HAUS6: variants seen among roughly 807,000 people sequenced by gnomAD.
HAUS6 encodes the protein HAUS augmin like complex subunit 6.
A neutral mutation model predicts 106.8 loss-of-function variants in HAUS6; 80 were observed. The observed-to-expected ratio is 0.75, with a 90% CI of 0.63 to 0.90. HAUS6 has a LOEUF of 0.90. Ranked by LOEUF, HAUS6 falls within the 40% of genes least tolerant of loss-of-function variation. The pLI is 0.00. For missense variants in HAUS6, 1,155 were observed against 1,118.1 expected (o/e 1.03, Z -0.47); for synonymous variants, 356 against 379.1 (o/e 0.94, Z 0.71).
At chr9:19,080,160 G>C in intron 9 of HAUS6, among the ~76,000 whole-genome samples, 1 of 117,198 alleles carries the variant, frequency 8.5e-6, no homozygotes, top group East Asian at 2.5e-4. Flanking sequence ...GGCAACGAGA[G>C]CGAAACTCCG....
intron 1 of HAUS6, among the ~76,000 whole-genome samples, chr9:19,099,982 AG>A (rs1293284755): frequency 6.6e-6 from 1 of 152,224 alleles, no homozygotes; most frequent in Non-Finnish European, 1.5e-5. Flanking sequence ...TCACAAGGTC[AG>A]GAATTTAAGA....
chr9:19,090,485 C>T (rs1412464832), intron 4 of HAUS6, among the ~76,000 whole-genome samples: 1 of 152,160 alleles, frequency 6.6e-6, no homozygotes, highest in Non-Finnish European at 1.5e-5. Flanking sequence ...CTGCCTCAGC[C>T]TCCCAAGTAG....
chr9:19,067,454 A>G (rs568587050), intron 12 of HAUS6, among the ~76,000 whole-genome samples: 2 of 152,122 alleles, frequency 1.3e-5, no homozygotes, highest in Admixed American at 6.6e-5. Context: ...TTTATCCCTC[A>G]CCACCAGGCC....
chr9:19,093,410 C>T, intron 3 of HAUS6, 107 bp from the exon 4 acceptor site: 3 of 982,774 alleles, frequency 3.1e-6, no homozygotes, highest in Middle Eastern at 2.1e-4. Context: ...CAATAGAAGT[C>T]CCACATTTTC....
chr9:19,096,547 GGAGT>G, intron 2 of HAUS6, 123 bp downstream of exon 2: 2 of 548,554 alleles, frequency 3.6e-6, no homozygotes, highest in Non-Finnish European at 6.3e-6. Flanking sequence ...CCTCGATGAC[GGAGT>G]GAGACTCCGT....
chr9:19,076,624 A>C lies in HAUS6; in HGVS notation c.1272T>G (p.Cys424Trp). 2 of 1,567,018 alleles carry C rather than the reference A, an allele frequency of 1.3e-6. No individual in the cohort carries two copies. Among genetic ancestry groups the C allele is most frequent in the Non-Finnish European group, 1.8e-6 (2 of 1,139,798 alleles). ...AACCTGGAAGTGAAGCAGGATACTG[A>C]CAAAGAATACTCTTTGCATACACTT... is the stretch of plus-strand genomic sequence containing the variant. Reference protein sequence around the residue: ...SEEVYAKSILCQYPASLPDAH... With the variant: ...SEEVYAKSILWQYPASLPDAH... The change falls in exon 11 of 17, where the codon TGT (cysteine) becomes TGG (tryptophan). Residue 424 changes from cysteine (C) to tryptophan (W), a missense_variant. Physicochemically the swap from Cys to Trp is radical, Grantham distance 215 (BLOSUM62 -2). Coordinates refer to ENST00000380502, the MANE Select transcript of HAUS6 (RefSeq NM_017645.5).
Position 19,053,926 on chromosome 9 carries a change from A to G in HAUS6, c.*2417T>C, listed in dbSNP as rs1214138042. Reference sequence around the variant, plus strand: ...TATGCATGTATGTGTATATTGCTATAACTAGAAAGACCACATGCAACCATA... The same window carrying G: ...TATGCATGTATGTGTATATTGCTATGACTAGAAAGACCACATGCAACCATA... On this transcript the variant is annotated 3_prime_UTR_variant, in exon 17 of 17. Coordinates refer to ENST00000380502, the MANE Select transcript of HAUS6 (RefSeq NM_017645.5). 2 of 152,130 alleles carry G rather than the reference A, an allele frequency of 1.3e-5. No homozygotes were observed. The highest frequency in any genetic ancestry group is 3.8e-4 in the East Asian group (2 of 5,198). The allele number at this position is 152,130 out of a possible 1,614,324, so 9.4% of individuals were successfully genotyped here. A position where few individuals can be genotyped will look rare whatever the true frequency, so the allele number is the denominator to read the frequency against.
chr9:19,084,569 T>TG (rs147054875), intron 7 of HAUS6, among the ~76,000 whole-genome samples: 21,484 of 152,022 alleles, frequency 0.14, 1,772 homozygotes, highest in African/African-American at 0.24. Flanking sequence ...ATTATACACA[T>TG]GTTCTTCCTG....
intron 4 of HAUS6, among the ~76,000 whole-genome samples, chr9:19,091,302 A>G (rs1411626408): frequency 5.4e-5 from 3 of 55,880 alleles, no homozygotes; most frequent in African/African-American, 8.6e-5. Flanking sequence ...TTCGTCTGCG[A>G]AAAAAAAAAA....
chr9:19,056,063 C>G lies in HAUS6; in HGVS notation c.*280G>C. The G allele has an allele frequency of 2.8e-6, 1 of 352,706 alleles. No individual in the cohort carries two copies. The highest frequency in any genetic ancestry group is 5.1e-6 in the Non-Finnish European group (1 of 195,436). The allele number at this position is 352,706 out of a possible 1,614,324, so 21.8% of individuals were successfully genotyped here. A position where few individuals can be genotyped will look rare whatever the true frequency, so the allele number is the denominator to read the frequency against. The stretch of plus-strand genomic sequence containing the variant: ...CTACTACTTTGTCATTCACTTAATG[C>G]TTACAAGATTACTCAAGAAATCAAA... On this transcript the variant is annotated 3_prime_UTR_variant, in exon 17 of 17. Coordinates refer to ENST00000380502, the MANE Select transcript of HAUS6 (RefSeq NM_017645.5).
At chr9:19,083,551 C>A (rs1837212477) in intron 7 of HAUS6, among the ~76,000 whole-genome samples, 1 of 151,874 alleles carries the variant, frequency 6.6e-6, no homozygotes, top group Non-Finnish European at 1.5e-5. Flanking sequence ...GTCTGTAATC[C>A]CAGCCCTTTG....
At chr9:19,089,220 G>C (rs538389891) in intron 5 of HAUS6, among the ~76,000 whole-genome samples, 192 bp downstream of exon 5, 1 of 151,876 alleles carries the variant, frequency 6.6e-6, no homozygotes, top group African/African-American at 2.4e-5. Context: ...TCCAGCCTAG[G>C]AGCCTGGGTG....
chr9:19,069,485 T>C (rs904614885), intron 12 of HAUS6, among the ~76,000 whole-genome samples: 1 of 152,036 alleles, frequency 6.6e-6, no homozygotes, highest in Non-Finnish European at 1.5e-5. Flanking sequence ...GATCAGGAGT[T>C]CGAGACCAGC....
At chr9:19,081,020 C>T (rs951577902) in intron 8 of HAUS6, among the ~76,000 whole-genome samples, 3 of 151,648 alleles carry the variant, frequency 2.0e-5, no homozygotes, top group Non-Finnish European at 4.4e-5. Context: ...TGCAGTGAGC[C>T]GAGATTGTGC....
At position 19,094,388 on chromosome 9, in the gene HAUS6, A is replaced by G. The variant is rs1371162692; in HGVS notation, c.232T>C (p.Trp78Arg). The part of the protein sequence containing the change: ...SLTKEVFKFC[W>R]PPFDQKSDTE... ...TCACTTTTTTGGTCAAATGGGGGCC[A>G]ACAAAATCTGGAAAACAAAAATAAA... Residue 78 changes from tryptophan to arginine, a missense_variant, in exon 3 of 17, where the codon TGG (tryptophan) becomes CGG (arginine). Physicochemically the swap from Trp to Arg is moderately radical, Grantham distance 101. Around this residue, in one of 3 missense-constraint regions of HAUS6, gnomAD observed 761 missense variants for 690.0 expected, o/e 1.10. Transcript: ENST00000380502. 2.8e-5 allele frequency: 45 copies of G among 1,598,220 alleles called. No individual in the cohort carries two copies. Among genetic ancestry groups the G allele is most frequent in the Non-Finnish European group, 3.9e-5 (45 of 1,167,186 alleles).
In HAUS6 at chr9:19,094,328, T is replaced by A; in HGVS notation, c.292A>T (p.Lys98Ter). 6.3e-7 allele frequency: 1 copy of A among 1,585,104 alleles called. No individual in the cohort carries two copies. Among genetic ancestry groups the A allele is most frequent in the Non-Finnish European group, 8.6e-7 (1 of 1,157,226 alleles). Reference sequence around the variant, plus strand: ...AAAAGAATACTTACAGAAATCCTTTTTATCCATTCACAGCAATGTTTTCGG... The same window carrying A: ...AAAAGAATACTTACAGAAATCCTTTATATCCATTCACAGCAATGTTTTCGG... ...EFRKHCCEWI[K>*]RISGECGSSF... The change falls in exon 3 of 17, where the codon AAA becomes TAA. Residue 98 changes from lysine to a stop codon, truncating the protein, a stop_gained. Coordinates refer to ENST00000380502, the MANE Select transcript of HAUS6 (RefSeq NM_017645.5). LOFTEE classifies it high-confidence loss of function.
chr9:19,093,331 G>C, intron 3 of HAUS6, 28 bp from the exon 4 acceptor site: 1 of 1,572,132 alleles, frequency 6.4e-7, no homozygotes, highest in Non-Finnish European at 8.7e-7. Flanking sequence ...AAGATGATTT[G>C]AAGACCTTGT....
At position 19,090,071 on chromosome 9, in the gene HAUS6, T is replaced by C. The variant is rs769908678; in HGVS notation, c.437-512A>G. Among the ~76,000 whole-genome samples, 16 of 152,190 alleles carry C rather than the reference T, an allele frequency of 1.1e-4. No homozygotes were observed. In the Middle Eastern group the frequency reaches 0.02, roughly 194 times the overall value. ...CCAGGCTAGTCTTGAACTCCAGGAC[T>C]CAAGGGATCCTCCTGTCTCAGTCTC... On this transcript the variant is annotated intron_variant, in intron 4 of 16. Transcript: ENST00000380502.
rs749950261 is a variant in HAUS6 at position 19,054,970 on chromosome 9, A to C, written c.*1373T>G. 3 of 152,208 alleles carry C rather than the reference A, an allele frequency of 2.0e-5. No homozygotes were observed. Among genetic ancestry groups the C allele is most frequent in the African/African-American group, 7.2e-5 (3 of 41,448 alleles). The allele number at this position is 152,208 out of a possible 1,614,324, so 9.4% of individuals were successfully genotyped here. A position where few individuals can be genotyped will look rare whatever the true frequency, so the allele number is the denominator to read the frequency against. The stretch of plus-strand genomic sequence containing the variant: ...GCATAGTCCCTGATTTGTTTTATTA[A>C]CTAATAAAAGAAAACAGCAACTTAG... On this transcript the variant is annotated 3_prime_UTR_variant, in exon 17 of 17. Coordinates refer to ENST00000380502, the MANE Select transcript of HAUS6 (RefSeq NM_017645.5).
Sources: gnomAD v4.1 joint callset for allele counts (sites outside exome capture counted in the v4.1 genomes callset) on GRCh38, gnomAD v4.1.1 for gene constraint, gnomAD v4.1.1 regional missense constraint, MANE v1.5 for transcripts, NCBI Gene and HGNC (gene_info 2026-07-23, HGNC 2026-07-21) for gene names.